Variants in PRELID2 observed in about 807,000 individuals in gnomAD.
The protein encoded by PRELID2 is PRELI domain-containing protein 2.
In PRELID2, 25 loss-of-function variants were observed where a neutral mutation model predicts 28.4. The ratio of observed to expected loss-of-function variants is 0.88; its 90% confidence interval spans 0.64 to 1.23. The LOEUF is 1.23. Ranked by LOEUF, PRELID2 falls within the 50% of genes most tolerant of loss-of-function variation. The pLI is 0.00. For missense variants in PRELID2, 201 were observed against 214.4 expected (o/e 0.94, Z 0.39); for synonymous variants, 76 against 71.6 (o/e 1.06, Z -0.31).
intron 4 of PRELID2, among the ~76,000 whole-genome samples, chr5:145,800,297 C>T (rs1477395750): frequency 1.9e-5 from 2 of 107,642 alleles, no homozygotes; most frequent in East Asian, 6.0e-4. Context: ...TCCTCCCCTT[C>T]TCTTACACAC....
intron 1 of PRELID2, among the ~76,000 whole-genome samples, chr5:145,505,722 C>T (rs1457565872): frequency 6.6e-6 from 1 of 152,108 alleles, no homozygotes; most frequent in Non-Finnish European, 1.5e-5. Flanking sequence ...TTGCATTATT[C>T]ACAATAGCCA....
At chr5:145,616,070 A>C (rs112237259) in intron 1 of PRELID2, among the ~76,000 whole-genome samples, 54 of 152,332 alleles carry the variant, frequency 3.5e-4, no homozygotes, top group African/African-American at 1.3e-3. Context: ...ATAGGGCCCC[A>C]ATCCTTTCTA....
chr5:145,677,866 C>A (rs1754851305), intron 1 of PRELID2, among the ~76,000 whole-genome samples: 1 of 152,126 alleles, frequency 6.6e-6, no homozygotes, highest in Non-Finnish European at 1.5e-5. Flanking sequence ...GTAATCCCAG[C>A]ACTTTGGGAG....
At chr5:145,740,752 ATATT>A (rs1222621768) in intron 1 of PRELID2, among the ~76,000 whole-genome samples, 2 of 117,774 alleles carry the variant, frequency 1.7e-5, no homozygotes, top group East Asian at 4.9e-4. Flanking sequence ...AATATATTAT[ATATT>A]TATGTATAAA....
At chr5:145,785,761 A>G (rs4305683) in intron 5 of PRELID2, among the ~76,000 whole-genome samples, 127,832 of 152,204 alleles carry the variant, frequency 0.84, 53,920 homozygotes, top group East Asian at 0.94. Context: ...AATTCTAAAC[A>G]AGCACCCATC....
At chr5:145,817,192 AAAAAAAATAAATAAATAAAT>A (rs200293469) in intron 4 of PRELID2, among the ~76,000 whole-genome samples, 1,291 of 78,948 alleles carry the variant, frequency 0.016, 112 homozygotes, top group Non-Finnish European at 0.028. Context: ...CTGCATTTCA[AAAAAAAATAAATAAATAAAT>A]AAAAAAAAAT....
chr5:145,336,617 T>A, the PRELID2 span, among the ~76,000 whole-genome samples: 2 of 152,194 alleles, frequency 1.3e-5, no homozygotes, highest in African/African-American at 4.8e-5. Flanking sequence ...GGCTCTGTTC[T>A]GTTCCATTGA....
chr5:145,812,616 A>G (rs1231603579), intron 4 of PRELID2, among the ~76,000 whole-genome samples: 4 of 148,688 alleles, frequency 2.7e-5, no homozygotes, highest in African/African-American at 1.0e-4. Flanking sequence ...GCACATAGTA[A>G]ACACATGTAA....
the PRELID2 span, among the ~76,000 whole-genome samples, chr5:145,387,557 G>A: frequency 5.3e-5 from 8 of 152,042 alleles, no homozygotes; most frequent in Non-Finnish European, 8.8e-5. Context: ...AAATGTCTAC[G>A]CACTTAAAAA....
At chr5:145,700,418 T>C (rs921503277) in intron 1 of PRELID2, among the ~76,000 whole-genome samples, 14 of 152,016 alleles carry the variant, frequency 9.2e-5, no homozygotes, top group Non-Finnish European at 1.5e-4. Context: ...AAGATTGATA[T>C]GCTGCTGGTT....
intron 1 of PRELID2, among the ~76,000 whole-genome samples, chr5:145,541,633 G>A (rs1383461484): frequency 6.6e-6 from 1 of 151,998 alleles, no homozygotes; most frequent in African/African-American, 2.4e-5. Flanking sequence ...GCATTGTATA[G>A]TTTTATTTCT....
chr5:145,501,946 T>C (rs1752363029), intron 1 of PRELID2, among the ~76,000 whole-genome samples: 1 of 152,168 alleles, frequency 6.6e-6, no homozygotes, highest in South Asian at 2.1e-4. Flanking sequence ...TCTGCGTCTG[T>C]ATTAATCTCT....
intron 1 of PRELID2, among the ~76,000 whole-genome samples, chr5:145,486,551 C>T (rs1002913759): frequency 1.3e-5 from 2 of 152,192 alleles, no homozygotes; most frequent in Admixed American, 1.3e-4. Context: ...CCAGTTGTAT[C>T]TTGGTGCATT....
intron 1 of PRELID2, among the ~76,000 whole-genome samples, chr5:145,703,586 TA>T (rs914721771): frequency 1.3e-5 from 2 of 152,232 alleles, no homozygotes; most frequent in Admixed American, 6.5e-5. Flanking sequence ...GACATTTGAC[TA>T]AACCCAAACT....
chr5:145,294,572 A>G, the PRELID2 span, among the ~76,000 whole-genome samples: 1 of 152,038 alleles, frequency 6.6e-6, no homozygotes, highest in Non-Finnish European at 1.5e-5. Flanking sequence ...TGTGTTTCCT[A>G]TATCAAGATT....
chr5:145,264,282 C>T, the PRELID2 span, among the ~76,000 whole-genome samples: 15 of 152,088 alleles, frequency 9.9e-5, no homozygotes, highest in African/African-American at 2.7e-4. Flanking sequence ...CAAATCAAAA[C>T]GATAATCTAC....
the PRELID2 span, among the ~76,000 whole-genome samples, chr5:145,276,415 G>T: frequency 1.3e-5 from 2 of 152,050 alleles, no homozygotes; most frequent in South Asian, 4.1e-4. Flanking sequence ...ACAAAAGAAT[G>T]ACTACAATAG....
intron 1 of PRELID2, among the ~76,000 whole-genome samples, chr5:145,553,089 A>T (rs913299883): frequency 6.6e-6 from 1 of 152,080 alleles, no homozygotes; most frequent in Non-Finnish European, 1.5e-5. Context: ...GTCATCAGAG[A>T]GTTCACTTGA....
chr5:145,454,051 CA>C, the PRELID2 span, among the ~76,000 whole-genome samples: 1 of 152,122 alleles, frequency 6.6e-6, no homozygotes, highest in Non-Finnish European at 1.5e-5. Context: ...TTGTTTTCCA[CA>C]ATGGTTGAAC....
Sources: allele counts gnomAD v4.1 joint callset (sites outside exome capture counted in the v4.1 genomes callset), GRCh38; gene constraint gnomAD v4.1.1; transcripts MANE v1.5; gene names NCBI Gene and HGNC (gene_info 2026-07-23, HGNC 2026-07-21).